NRXN1: variants seen among roughly 807,000 people sequenced by gnomAD.
NRXN1 encodes neurexin 1.
NRXN1 carries 39 observed loss-of-function variants against 150.9 expected under a neutral mutation model. The ratio of observed to expected loss-of-function variants is 0.26; its 90% confidence interval spans 0.20 to 0.34. The LOEUF is 0.34. Among genes scored for constraint, NRXN1 ranks in the 10% least tolerant of loss-of-function variants. NRXN1 has a pLI of 1.00. For synonymous variants in NRXN1, 924 were observed against 757.0 expected (o/e 1.22, Z -3.62); for missense variants, 1,815 against 1,949.9 (o/e 0.93, Z 1.30).
chr2:50,760,020 A>C (rs1360585841), intron 5 of NRXN1, among the ~76,000 whole-genome samples: 1 of 151,908 alleles, frequency 6.6e-6, no homozygotes, highest in Non-Finnish European at 1.5e-5. Context: ...GCACAAGCAG[A>C]TCATAGACTC....
chr2:50,517,040 T>C (rs183173426), intron 12 of NRXN1, among the ~76,000 whole-genome samples: 2 of 152,330 alleles, frequency 1.3e-5, no homozygotes, highest in East Asian at 3.9e-4. Context: ...ATCCTGGTTC[T>C]ACAAGTTATT....
chr2:50,486,012 T>G (rs761175332), intron 15 of NRXN1, among the ~76,000 whole-genome samples: 12 of 152,222 alleles, frequency 7.9e-5, no homozygotes, highest in Non-Finnish European at 1.6e-4. Context: ...TAATGAATGT[T>G]ATGTTTTATA....
At chr2:50,276,718 A>C (rs1343908759) in intron 17 of NRXN1, among the ~76,000 whole-genome samples, 3 of 152,160 alleles carry the variant, frequency 2.0e-5, no homozygotes, top group African/African-American at 7.2e-5. Flanking sequence ...TTTCTCTAAC[A>C]GACATGTTGC....
At chr2:50,423,357 A>C (rs2084151997) in intron 17 of NRXN1, among the ~76,000 whole-genome samples, 1 of 152,060 alleles carries the variant, frequency 6.6e-6, no homozygotes, top group Admixed American at 6.6e-5. Context: ...TATTGTACAC[A>C]CCCTACCTTG....
chr2:50,101,992 G>A (rs541227891), intron 18 of NRXN1, among the ~76,000 whole-genome samples: 1 of 151,946 alleles, frequency 6.6e-6, no homozygotes, highest in East Asian at 1.9e-4. Context: ...CTAGCTGTCC[G>A]ACATCCTTAG....
At chr2:50,581,260 A>C (rs1672219906) in intron 8 of NRXN1, among the ~76,000 whole-genome samples, 1 of 152,216 alleles carries the variant, frequency 6.6e-6, no homozygotes, top group African/African-American at 2.4e-5. Context: ...TTGGCTAGTG[A>C]AAATATCCTT....
chr2:50,986,249 T>C (rs1343768623), intron 2 of NRXN1, among the ~76,000 whole-genome samples: 2 of 151,712 alleles, frequency 1.3e-5, no homozygotes, highest in African/African-American at 2.4e-5. Context: ...GTAATGCAAA[T>C]ATAAATTAGG....
intron 17 of NRXN1, among the ~76,000 whole-genome samples, chr2:50,282,544 G>T (rs2071597672): frequency 6.6e-6 from 1 of 152,086 alleles, no homozygotes. Context: ...ACTTGAATAT[G>T]CACTGATTTG....
chr2:50,423,983 G>C (rs1211428021), intron 17 of NRXN1, among the ~76,000 whole-genome samples: 2 of 152,016 alleles, frequency 1.3e-5, no homozygotes, highest in Non-Finnish European at 2.9e-5. Context: ...AGTGGAGAAA[G>C]AACAGCATAC....
chr2:50,100,381 A>T (rs918201814), intron 18 of NRXN1, among the ~76,000 whole-genome samples: 2 of 152,064 alleles, frequency 1.3e-5, no homozygotes, highest in African/African-American at 4.8e-5. Flanking sequence ...CAGTGCTTCT[A>T]TTTCCTCATT....
chr2:50,673,220 C>G (rs1331587907), intron 5 of NRXN1, among the ~76,000 whole-genome samples: 1 of 152,034 alleles, frequency 6.6e-6, no homozygotes, highest in Non-Finnish European at 1.5e-5. Flanking sequence ...CAAAAATTAT[C>G]TAGCACAATT....
At chr2:49,925,235 G>C (rs1170025077) in intron 22 of NRXN1, among the ~76,000 whole-genome samples, 2 of 142,980 alleles carry the variant, frequency 1.4e-5, no homozygotes, top group South Asian at 2.2e-4. Context: ...AGCTGCGATC[G>C]CACACTACAC....
chr2:49,959,560 G>A (rs949725736), intron 21 of NRXN1, among the ~76,000 whole-genome samples: 1 of 152,328 alleles, frequency 6.6e-6, no homozygotes, highest in Admixed American at 6.5e-5. Context: ...TGCTGCATGG[G>A]CATTGGAGTC....
intron 21 of NRXN1, among the ~76,000 whole-genome samples, chr2:50,009,975 T>C (rs1354239475): frequency 6.6e-6 from 1 of 152,118 alleles, no homozygotes; most frequent in Non-Finnish European, 1.5e-5. Flanking sequence ...TTCTAATTTG[T>C]AATAGGATTA....
chr2:50,390,433 A>G (rs1379128832), intron 17 of NRXN1, among the ~76,000 whole-genome samples: 3 of 152,146 alleles, frequency 2.0e-5, no homozygotes, highest in African/African-American at 7.2e-5. Flanking sequence ...CCTGAGAGCA[A>G]CTAATTTACA....
chr2:50,671,694 C>T (rs1688877422), intron 5 of NRXN1, among the ~76,000 whole-genome samples: 1 of 151,668 alleles, frequency 6.6e-6, no homozygotes, highest in African/African-American at 2.4e-5. Flanking sequence ...TTAAGTACAA[C>T]AGTAAAGAAT....
chr2:50,491,129 C>A (rs2091228887), intron 15 of NRXN1, among the ~76,000 whole-genome samples: 1 of 152,116 alleles, frequency 6.6e-6, no homozygotes, highest in South Asian at 2.1e-4. Flanking sequence ...GACAAGTGGG[C>A]TGTCAGATGT....
In NRXN1 at chr2:50,807,965, A is replaced by C. The variant is rs139364226; in HGVS notation, c.832+113904T>G. Among the ~76,000 whole-genome samples the C allele has an allele frequency of 4.2e-3, 640 of 152,264 alleles. 3 individuals are homozygous for C. The highest frequency in any genetic ancestry group is 0.037 in the Middle Eastern group (11 of 294). On this transcript the variant is annotated intron_variant, in intron 5 of 22. Transcript: ENST00000401669. ...TTTATATAAAATGTCATCAAATTTA[A>C]ATATAATTCCCAATAAAGTCCACAT...
intron 15 of NRXN1, among the ~76,000 whole-genome samples, chr2:50,488,162 C>G (rs954695057): frequency 9.2e-5 from 14 of 152,294 alleles, no homozygotes; most frequent in African/African-American, 2.9e-4. Context: ...AAAAATCACA[C>G]TTTTTGAGCC....
Sources: gnomAD v4.1 joint callset for allele counts (sites outside exome capture counted in the v4.1 genomes callset) on GRCh38, gnomAD v4.1.1 for gene constraint, MANE v1.5 for transcripts, NCBI Gene and HGNC (gene_info 2026-07-23, HGNC 2026-07-21) for gene names.